Variants in USP31 observed in about 807,000 individuals in gnomAD.
USP31 encodes the protein ubiquitin carboxyl-terminal hydrolase 31.
USP31 carries 44 observed loss-of-function variants against 119.4 expected under a neutral mutation model. The observed-to-expected ratio is 0.37, with a 90% CI of 0.29 to 0.47. The LOEUF is 0.47. Among genes scored for constraint, USP31 ranks in the 20% least tolerant of loss-of-function variants. The pLI is 0.99. For missense variants in USP31, 1,643 were observed against 1,730.2 expected (o/e 0.95, Z 0.89); for synonymous variants, 749 against 705.6 (o/e 1.06, Z -0.97).
intron 1 of USP31, among the ~76,000 whole-genome samples, chr16:23,131,567 T>C (rs140442125): frequency 3.3e-5 from 5 of 152,208 alleles, no homozygotes; most frequent in African/African-American, 9.6e-5. Flanking sequence ...CAGAAACCTG[T>C]TGTGTCACTA....
intron 1 of USP31, among the ~76,000 whole-genome samples, chr16:23,139,965 C>T (rs1903306806): frequency 6.6e-6 from 1 of 152,112 alleles, no homozygotes; most frequent in South Asian, 2.1e-4. Context: ...TAATAATGTC[C>T]AATGTCCTCC....
chr16:23,144,310 TA>T (rs984476888), intron 1 of USP31, among the ~76,000 whole-genome samples: 75 of 152,280 alleles, frequency 4.9e-4, no homozygotes, highest in Middle Eastern at 3.4e-3. Context: ...CAACTTCAAC[TA>T]GGTGGTGGTG....
chr16:23,131,196 C>G (rs1334665405), intron 1 of USP31, among the ~76,000 whole-genome samples: 1 of 152,090 alleles, frequency 6.6e-6, no homozygotes, highest in African/African-American at 2.4e-5. Flanking sequence ...TCTAGCTATT[C>G]GGGAGGATGA....
In USP31 at chr16:23,064,439, T is replaced by C. The variant is rs1899985838; in HGVS notation, c.*3607A>G. On this transcript the variant is annotated 3_prime_UTR_variant, in exon 16 of 16. Coordinates refer to ENST00000219689, the MANE Select transcript of USP31 (RefSeq NM_020718.4). The stretch of plus-strand genomic sequence containing the variant: ...GATAGTTATTTTAAGGGAATGACAA[T>C]GTTCCCCTCAAATCCCACATCCGTC... 6.6e-6 allele frequency: 1 copy of C among 152,200 alleles called. No individual in the cohort carries two copies. Among genetic ancestry groups the C allele is most frequent in the Non-Finnish European group, 1.5e-5 (1 of 68,044 alleles). 9.4% of individuals were successfully genotyped at this position (152,200 alleles called of 1,614,324 possible).
chr16:23,072,302 G>T, intron 14 of USP31, 105 bp from the exon 15 acceptor site: 3 of 1,471,552 alleles, frequency 2.0e-6, no homozygotes, highest in Non-Finnish European at 2.8e-6. Context: ...GGGGGGCGTT[G>T]ATGTCCTCAC....
chr16:23,099,790 G>C (rs989667239), intron 6 of USP31, among the ~76,000 whole-genome samples: 7 of 152,028 alleles, frequency 4.6e-5, no homozygotes, highest in African/African-American at 1.7e-4. Flanking sequence ...ATCTGATAAG[G>C]GTCTAGTATT....
chr16:23,089,336 C>CT (rs985840886), intron 7 of USP31, among the ~76,000 whole-genome samples: 29 of 152,174 alleles, frequency 1.9e-4, no homozygotes, highest in African/African-American at 7.0e-4. Flanking sequence ...TCATTCTAGT[C>CT]TGTTTTAATG....
At position 23,068,551 on chromosome 16, in the gene USP31, C is replaced by G. The variant is rs137891895; in HGVS notation, c.3554G>C (p.Arg1185Pro). The G allele has an allele frequency of 1.2e-6, 2 of 1,613,994 alleles. No individual in the cohort carries two copies. The highest frequency in any genetic ancestry group is 8.5e-7 in the Non-Finnish European group (1 of 1,179,970). Residue 1185 changes from arginine to proline, a missense_variant, in exon 16 of 16, where the codon CGA (arginine) becomes CCA (proline). Around this residue, in one of 5 missense-constraint regions of USP31, gnomAD observed 699 missense variants for 650.9 expected, o/e 1.07. Coordinates refer to ENST00000219689, the MANE Select transcript of USP31 (RefSeq NM_020718.4). The part of the protein sequence containing the change: ...KPNSPRVSQA[R>P]AGEGRGAGKH... Reference sequence around the variant, plus strand: ...CCCGGCCCCCCTGCCCTCCCCTGCTCGGGCCTGGCTCACCCGAGGGGAATT... The same window carrying G: ...CCCGGCCCCCCTGCCCTCCCCTGCTGGGGCCTGGCTCACCCGAGGGGAATT...
chr16:23,127,979 T>G (rs990077641), intron 1 of USP31, among the ~76,000 whole-genome samples: 10 of 152,144 alleles, frequency 6.6e-5, no homozygotes, highest in Admixed American at 1.3e-4. Context: ...ATTCTGAGAC[T>G]TAGGAGCATA....
chr16:23,069,682 C>T, intron 15 of USP31, 66 bp from the exon 16 acceptor site: 9 of 1,512,850 alleles, frequency 5.9e-6, no homozygotes, highest in Non-Finnish European at 7.1e-6. Flanking sequence ...CACTGTAAGA[C>T]ACTGAAGGTG....
chr16:23,085,078 C>G, intron 10 of USP31, 89 bp from the exon 11 acceptor site: 1 of 1,485,930 alleles, frequency 6.7e-7, no homozygotes, highest in Non-Finnish European at 9.0e-7. Context: ...TGACTACAAA[C>G]TCATAACCGA....
intron 13 of USP31, among the ~76,000 whole-genome samples, chr16:23,077,497 G>C (rs1405759715): frequency 1.3e-5 from 2 of 152,166 alleles, no homozygotes; most frequent in Non-Finnish European, 2.9e-5. Context: ...TTGGCTGATG[G>C]GGAGGGAGGT....
rs1455607605 is a variant in USP31, at chr16:23,072,189, T to C, written c.2344A>G (p.Ser782Gly). Residue 782 changes from serine to glycine, a missense_variant, in exon 15 of 16, where the codon AGT becomes GGT. Physicochemically the swap from Ser to Gly is moderately conservative, Grantham distance 56. Coordinates refer to ENST00000219689, the MANE Select transcript of USP31 (RefSeq NM_020718.4). ...ACCCAGTGTTCACACAGGGAAGAAC[T>C]TGTGGAGCCTGCAGAGAAGAAAACA... ...SANSSVAGST[S>G]SSLCEHWVSR... is the part of the protein sequence containing the mutation. The C allele has an allele frequency of 6.2e-6, 10 of 1,606,606 alleles. No homozygotes were observed. Among genetic ancestry groups the C allele is most frequent in the East Asian group, 2.2e-5 (1 of 44,884 alleles).
At chr16:23,110,208 G>A (rs758639355) in intron 1 of USP31, among the ~76,000 whole-genome samples, 18 of 152,076 alleles carry the variant, frequency 1.2e-4, no homozygotes, top group Non-Finnish European at 2.1e-4. Context: ...ATTTAAATAC[G>A]AATATATATA....
At chr16:23,089,827 G>C (rs1901273827) in intron 7 of USP31, among the ~76,000 whole-genome samples, 1 of 152,164 alleles carries the variant, frequency 6.6e-6, no homozygotes, top group South Asian at 2.1e-4. Context: ...CTGAATGAAT[G>C]TGTGGTGCCA....
intron 1 of USP31, among the ~76,000 whole-genome samples, chr16:23,131,113 C>T (rs1220082652): frequency 2.6e-5 from 4 of 152,020 alleles, no homozygotes; most frequent in African/African-American, 9.7e-5. Context: ...AATTTGAGAC[C>T]AGTCTGGGCA....
At position 23,102,580 on chromosome 16, in the gene USP31, G is replaced by A. The variant is rs28756024; in HGVS notation, c.1090-117C>T. The A allele has an allele frequency of 2.8e-3, 3,277 of 1,163,520 alleles. 42 individuals carry two copies. The African/African-American group carries it at 0.03, about 11-fold the overall frequency. The allele number at this position is 1,163,520 out of a possible 1,614,324, so 72.1% of individuals were successfully genotyped here. The stretch of plus-strand genomic sequence containing the variant: ...CTGGCAGTGGTCTGAGAGACATCTC[G>A]CAGAGCCCACTTTATTTGCCTTTAA... On this transcript the variant is annotated intron_variant, in intron 5 of 15. Coordinates refer to ENST00000219689, the MANE Select transcript of USP31 (RefSeq NM_020718.4).
intron 7 of USP31, 61 bp downstream of exon 7, chr16:23,090,563 T>A: frequency 7.0e-7 from 1 of 1,433,766 alleles, no homozygotes; most frequent in Non-Finnish European, 9.3e-7. Flanking sequence ...CTTTTTAACA[T>A]GTTTGAAAAT....
intron 1 of USP31, among the ~76,000 whole-genome samples, chr16:23,132,944 G>C (rs1903073771): frequency 6.6e-6 from 1 of 152,092 alleles, no homozygotes. Context: ...TGTCAACACT[G>C]CTTCTAACAT....
Sources: allele counts gnomAD v4.1 joint callset (sites outside exome capture counted in the v4.1 genomes callset), GRCh38; gene constraint gnomAD v4.1.1; regional missense constraint gnomAD v4.1.1; transcripts MANE v1.5; gene names NCBI Gene and HGNC (gene_info 2026-07-23, HGNC 2026-07-21).